Variants in CROCC2 observed in about 807,000 individuals in gnomAD.
The protein encoded by CROCC2 is ciliary rootlet coiled-coil, rootletin family member 2, also known as ciliary rootlet coiled-coil protein 2.
Under a neutral mutation model 177.6 loss-of-function variants are expected in CROCC2, and 163 were observed. The ratio of observed to expected loss-of-function variants is 0.92; its 90% CI spans 0.81 to 1.05. The LOEUF is 1.05. CROCC2 is among the 50% of genes least tolerant of loss of function. The probability of loss-of-function intolerance (pLI) is 0.00; values close to 1 mark genes in which losing one functional copy is unlikely to be tolerated. For synonymous variants in CROCC2, 904 were observed against 787.3 expected (o/e 1.15, Z -2.48); for missense variants, 1,929 against 1,797.8 (o/e 1.07, Z -1.32).
intron 19 of CROCC2, chr2:240,956,227 G>C: frequency 3.9e-6 from 2 of 509,532 alleles, no homozygotes; most frequent in South Asian, 5.3e-5. Context: ...GGGCTGGCAG[G>C]GGCCAGAGAG....
intron 19 of CROCC2, 65 bp downstream of exon 19, chr2:240,956,037 C>T (rs1387005876): frequency 8.4e-7 from 1 of 1,192,392 alleles, no homozygotes; most frequent in African/African-American, 1.5e-5. Context: ...CAGGGGGCCA[C>T]CCCTCCTGCC....
At chr2:240,975,438 G>A (rs1411817122) in intron 27 of CROCC2, among the ~76,000 whole-genome samples, 1 of 152,230 alleles carries the variant, frequency 6.6e-6, no homozygotes, top group Non-Finnish European at 1.5e-5. Context: ...GAGACCAGGG[G>A]ATACCTGCCA....
At chr2:240,925,271 G>A (rs1298636974) in intron 4 of CROCC2, among the ~76,000 whole-genome samples, 1 of 152,198 alleles carries the variant, frequency 6.6e-6, no homozygotes, top group Non-Finnish European at 1.5e-5. Context: ...CCCTACTGCA[G>A]CAAGTGTGGA....
chr2:240,974,415 C>A (rs2059744812), intron 27 of CROCC2, among the ~76,000 whole-genome samples: 1 of 150,030 alleles, frequency 6.7e-6, no homozygotes, highest in East Asian at 1.9e-4. Flanking sequence ...GATTTCGGCT[C>A]ACTGCAGTCT....
At chr2:240,950,249 C>G (rs756927905) in intron 17 of CROCC2, 85 bp from the exon 18 acceptor site, 98 of 1,381,406 alleles carry the variant, frequency 7.1e-5, no homozygotes, top group Non-Finnish European at 8.8e-5. Flanking sequence ...CCTGGCATCC[C>G]ACGGGCCAGG....
At chr2:240,991,890 C>T (rs4430950) in intron 31 of CROCC2, among the ~76,000 whole-genome samples, 17,501 of 152,278 alleles carry the variant, frequency 0.11, 1,041 homozygotes, top group South Asian at 0.19. Context: ...CCAGCCACCA[C>T]ATCCCCACGC....
rs778040994 is a variant in CROCC2 at position 240,934,996 on chromosome 2, C to T, written c.1872C>T (p.Ala624=). ...SEGVEQRDSL[A]AMAALMEGLA... ...GAGTGGAGCAAAGGGACTCCCTGGC[C>T]GCAATGGCCGCCTTGATGGAGGGGT... Residue 624 remains alanine (A), a synonymous_variant, in exon 13 of 32, where the codon GCC becomes GCT. Coordinates refer to ENST00000690015, the MANE Select transcript of CROCC2 (RefSeq NM_001351305.2). 7.1e-5 allele frequency: 102 copies of T among 1,446,452 alleles called. No individual in the cohort carries two copies. Among genetic ancestry groups the T allele is most frequent in the Non-Finnish European group, 8.6e-5 (94 of 1,097,740 alleles). The allele number at this position is 1,446,452 out of a possible 1,614,324, so 89.6% of individuals were successfully genotyped here. A position where few individuals can be genotyped will look rare whatever the true frequency, so the allele number is the denominator to read the frequency against.
chr2:240,950,874 T>C (rs1309581380), intron 18 of CROCC2: 2 of 218,180 alleles, frequency 9.2e-6, no homozygotes, highest in South Asian at 1.3e-4. Context: ...CATCTGTCCA[T>C]TCATTCACCC....
rs551526878 is a variant in CROCC2, at chr2:240,960,788, A to T, written c.3087+1344A>T. ...AGGCAGGCTGAGAGAGGAAGAGAAC[A>T]TGATTTAACATGACCGGCTGTTTAC... On this transcript the variant is annotated intron_variant, in intron 20 of 31. Transcript: ENST00000690015. This position sits in a 1 kb window ranked among gnomAD's most constrained non-coding sequence, Gnocchi z 5.0. 7.9e-4 allele frequency among the ~76,000 whole-genome samples: 120 copies of T among 152,122 alleles called. No homozygotes were observed. Among genetic ancestry groups the T allele is most frequent in the African/African-American group, 2.9e-3 (119 of 41,516 alleles).
At chr2:240,945,307 T>C (rs370629722) in intron 14 of CROCC2, among the ~76,000 whole-genome samples, 11 of 152,196 alleles carry the variant, frequency 7.2e-5, no homozygotes, top group African/African-American at 2.7e-4. Flanking sequence ...ACTGGGATGA[T>C]TCGCACGTGA....
At chr2:240,965,303 G>A (rs539983753) in intron 22 of CROCC2, 78 bp from the exon 23 acceptor site, 41 of 1,524,984 alleles carry the variant, frequency 2.7e-5, no homozygotes, top group South Asian at 5.0e-5. Flanking sequence ...ACGTGTGAGC[G>A]GAGGCAGGAG....
intron 19 of CROCC2, among the ~76,000 whole-genome samples, chr2:240,956,892 G>A (rs924846432): frequency 6.6e-6 from 1 of 152,110 alleles, no homozygotes; most frequent in Non-Finnish European, 1.5e-5. Flanking sequence ...CCCAGCGATA[G>A]GACATAGATG....
At chr2:240,961,930 C>T (rs370946260) in intron 20 of CROCC2, among the ~76,000 whole-genome samples, 2,408 of 149,648 alleles carry the variant, frequency 0.016, 61 homozygotes, top group African/African-American at 0.057. Flanking sequence ...TACGGACGTG[C>T]ACACACATGC....
At chr2:240,990,771 A>T (rs1047024602) in intron 30 of CROCC2, among the ~76,000 whole-genome samples, 14 of 152,058 alleles carry the variant, frequency 9.2e-5, no homozygotes, top group Admixed American at 8.5e-4. Context: ...GTTAGTAGAG[A>T]CGGGGTTTCA....
At chr2:240,964,030 A>G (rs369639209) in intron 21 of CROCC2, 12 of 580,282 alleles carry the variant, frequency 2.1e-5, no homozygotes, top group African/African-American at 1.9e-4. Context: ...CAGGCAAGAT[A>G]GGTCACAGGT....
At chr2:240,951,132 T>TGTTC (rs1397895021) in intron 18 of CROCC2, among the ~76,000 whole-genome samples, 1 of 149,344 alleles carries the variant, frequency 6.7e-6, no homozygotes, top group African/African-American at 2.5e-5. Context: ...CCCATCCACC[T>TGTTC]GTTCATCCAT....
chr2:240,931,331 C>T (rs745801859), intron 7 of CROCC2, among the ~76,000 whole-genome samples: 4 of 152,224 alleles, frequency 2.6e-5, no homozygotes, highest in Admixed American at 6.5e-5. Flanking sequence ...GAGGCAGACA[C>T]TGGGGTCTCC....
chr2:240,965,597 A>G (rs1050695033), intron 23 of CROCC2, 39 bp from the exon 24 acceptor site: 14 of 1,549,696 alleles, frequency 9.0e-6, no homozygotes, highest in African/African-American at 1.4e-5. Context: ...CCACTTCCTC[A>G]CTGTCTCCCA....
At chr2:240,975,899 T>TTTTGTA (rs1559189314) in intron 27 of CROCC2, among the ~76,000 whole-genome samples, 1 of 151,812 alleles carries the variant, frequency 6.6e-6, no homozygotes, top group African/African-American at 2.4e-5. Context: ...CCGGCTAATT[T>TTTTGTA]TTTGTATTTT....
Sources: allele counts gnomAD v4.1 joint callset (sites outside exome capture counted in the v4.1 genomes callset), GRCh38; gene constraint gnomAD v4.1.1; non-coding constraint Gnocchi (gnomAD v3.1); transcripts MANE v1.5; gene names NCBI Gene and HGNC (gene_info 2026-07-23, HGNC 2026-07-21).